The following RNF150 variants were observed in gnomAD, a reference collection of about 807,000 sequenced individuals.
The protein encoded by RNF150 is ring finger protein 150.
In RNF150, 24 loss-of-function variants were observed where a neutral mutation model predicts 39.3. The observed-to-expected ratio is 0.61, with a 90% CI of 0.44 to 0.86. The LOEUF (loss-of-function observed/expected upper bound fraction) is 0.86. Ranked by LOEUF, RNF150 falls within the 40% of genes least tolerant of loss-of-function variation. The probability of loss-of-function intolerance (pLI) is 0.00; values close to 1 mark genes in which losing one functional copy is unlikely to be tolerated. For synonymous variants in RNF150, 255 were observed against 227.3 expected (o/e 1.12, Z -1.10); for missense variants, 502 against 587.8 (o/e 0.85, Z 1.51).
intron 6 of RNF150, among the ~76,000 whole-genome samples, chr4:140,881,064 T>G (rs1729354913): frequency 6.6e-6 from 1 of 152,178 alleles, no homozygotes; most frequent in African/African-American, 2.4e-5. Flanking sequence ...ATTTTGAATT[T>G]GGTTTGTTTT....
chr4:141,126,558 T>C (rs190417936), intron 1 of RNF150, among the ~76,000 whole-genome samples: 1 of 152,278 alleles, frequency 6.6e-6, no homozygotes, highest in African/African-American at 2.4e-5. Context: ...GAGGTAGGAA[T>C]TATAAATGAA....
At chr4:141,079,525 T>C (rs376948485) in intron 1 of RNF150, among the ~76,000 whole-genome samples, 14 of 152,180 alleles carry the variant, frequency 9.2e-5, no homozygotes, top group African/African-American at 3.1e-4. Flanking sequence ...AATTTCCTCA[T>C]GTAAAAAATA....
intron 1 of RNF150, among the ~76,000 whole-genome samples, chr4:141,190,245 G>T (rs1728084280): frequency 6.6e-6 from 1 of 152,216 alleles, no homozygotes; most frequent in South Asian, 2.1e-4. Flanking sequence ...CTCGCTGGTT[G>T]TTGCAGACCA....
chr4:141,007,881 G>A (rs1241795663), intron 1 of RNF150, among the ~76,000 whole-genome samples: 2 of 152,166 alleles, frequency 1.3e-5, no homozygotes, highest in African/African-American at 2.4e-5. Context: ...CCTGCATGAA[G>A]GGTTCTCCAA....
intron 4 of RNF150, among the ~76,000 whole-genome samples, chr4:140,935,034 TATATATATATAA>T (rs1442772990): frequency 2.0e-4 from 1 of 4,996 alleles, no homozygotes; most frequent in Non-Finnish European, 5.5e-4. Flanking sequence ...ATATTTATAA[TATATATATATAA>T]ATATATATAT....
intron 1 of RNF150, among the ~76,000 whole-genome samples, chr4:141,085,789 G>A (rs1420848429): frequency 1.3e-5 from 2 of 152,142 alleles, no homozygotes; most frequent in Admixed American, 1.3e-4. Flanking sequence ...ACTAAAAGGT[G>A]TAATGAGAAA....
chr4:141,036,946 A>C (rs1736171009), intron 1 of RNF150, among the ~76,000 whole-genome samples: 2 of 152,170 alleles, frequency 1.3e-5, no homozygotes, highest in African/African-American at 4.8e-5. Flanking sequence ...TGTTGATGTG[A>C]ATATTTCTAA....
chr4:141,134,001 T>G (rs1726980119), upstream of RNF150, among the ~76,000 whole-genome samples: 1 of 152,184 alleles, frequency 6.6e-6, no homozygotes, highest in South Asian at 2.1e-4. Context: ...ACCATTCTGT[T>G]AAGATGGGTA....
chr4:140,957,683 A>T (rs958105214), intron 2 of RNF150, among the ~76,000 whole-genome samples: 2 of 151,906 alleles, frequency 1.3e-5, no homozygotes, highest in Non-Finnish European at 2.9e-5. Context: ...GGATTAAGAA[A>T]ATGTGGCACA....
intron 6 of RNF150, among the ~76,000 whole-genome samples, chr4:140,904,778 C>T (rs905504239): frequency 6.6e-6 from 1 of 152,162 alleles, no homozygotes; most frequent in Non-Finnish European, 1.5e-5. Flanking sequence ...CACATTCTTT[C>T]TCTTGTTTTC....
intron 4 of RNF150, among the ~76,000 whole-genome samples, chr4:140,938,690 C>T (rs1282666557): frequency 6.6e-6 from 1 of 152,174 alleles, no homozygotes; most frequent in East Asian, 1.9e-4. Context: ...GCAAGTCACT[C>T]TGAGCCTTAG....
intron 1 of RNF150, among the ~76,000 whole-genome samples, chr4:141,090,341 G>C (rs1049138278): frequency 6.6e-6 from 1 of 152,108 alleles, no homozygotes; most frequent in Non-Finnish European, 1.5e-5. Flanking sequence ...CTAAGCTTAA[G>C]ACTAATAACT....
chr4:141,099,668 CA>C (rs1738934989), intron 1 of RNF150, among the ~76,000 whole-genome samples: 2 of 151,864 alleles, frequency 1.3e-5, no homozygotes, highest in African/African-American at 4.8e-5. Flanking sequence ...ATATTTATTT[CA>C]GGGGAGTAGA....
At chr4:141,152,937 C>A (rs1230599124) in intron 1 of RNF150, among the ~76,000 whole-genome samples, 2 of 152,164 alleles carry the variant, frequency 1.3e-5, no homozygotes, top group South Asian at 2.1e-4. Context: ...ACCTATCAAC[C>A]CATTACCTAG....
chr4:141,206,075 T>C lies in RNF150; in HGVS notation c.-6+6719A>G, dbSNP rs143076746. On this transcript the variant is annotated intron_variant, in intron 1 of 7. Coordinates refer to the RNF150 transcript ENST00000420921. ...TTGGGGTCTGCTTTGCTGTCGTTGCTCTCTTTGCACTGGCAGTTCCTTCCA... is the reference window on the plus strand; with the variant it reads ...TTGGGGTCTGCTTTGCTGTCGTTGCCCTCTTTGCACTGGCAGTTCCTTCCA... 3.9e-3 allele frequency among the ~76,000 whole-genome samples: 589 copies of C among 152,250 alleles called. 6 individuals carry two copies. The highest frequency in any genetic ancestry group is 0.014 in the African/African-American group (573 of 41,532).
intron 1 of RNF150, among the ~76,000 whole-genome samples, chr4:141,101,613 T>G (rs1739013171): frequency 6.6e-6 from 1 of 152,198 alleles, no homozygotes; most frequent in Admixed American, 6.5e-5. Flanking sequence ...GCTTTATTAT[T>G]ATGTACTGTA....
At chr4:141,006,754 G>A (rs1302206797) in intron 1 of RNF150, among the ~76,000 whole-genome samples, 1 of 152,032 alleles carries the variant, frequency 6.6e-6, no homozygotes, top group Non-Finnish European at 1.5e-5. Flanking sequence ...GAACTGTTTT[G>A]GATATTAACA....
intron 1 of RNF150, among the ~76,000 whole-genome samples, chr4:141,027,912 GTTTTTTTTTTTTTGTTTTTT>G (rs1436600646): frequency 1.5e-4 from 4 of 27,102 alleles, no homozygotes; most frequent in South Asian, 2.0e-3. Context: ...CTTGGAATTT[GTTTTTTTTTTTTTGTTTTTT>G]TTTTTTTTTT....
chr4:141,162,611 C>T (rs756253554), intron 1 of RNF150, among the ~76,000 whole-genome samples: 1 of 152,010 alleles, frequency 6.6e-6, no homozygotes, highest in African/African-American at 2.4e-5. Context: ...GTACAAGGCT[C>T]ATCCCATTGG....
Sources: allele counts gnomAD v4.1 joint callset (sites outside exome capture counted in the v4.1 genomes callset), GRCh38; gene constraint gnomAD v4.1.1; transcripts MANE v1.5; gene names NCBI Gene and HGNC (gene_info 2026-07-23, HGNC 2026-07-21).